SEPTIN4: variants seen among roughly 807,000 people sequenced by gnomAD.
SEPTIN4 encodes septin-4.
In SEPTIN4, 52 loss-of-function variants were observed where a neutral mutation model predicts 107.1. That is an observed-to-expected ratio of 0.49 (90% CI 0.39 to 0.61). The LOEUF is 0.61. Among genes scored for constraint, SEPTIN4 ranks in the 20% least tolerant of loss-of-function variants. The pLI is 0.00. For missense variants in SEPTIN4, 1,048 were observed against 1,243.5 expected (o/e 0.84, Z 2.36); for synonymous variants, 417 against 467.0 (o/e 0.89, Z 1.38).
intron 7 of SEPTIN4, among the ~76,000 whole-genome samples, chr17:58,523,343 C>T (rs1156231984): frequency 1.4e-5 from 2 of 146,686 alleles, no homozygotes; most frequent in Non-Finnish European, 3.0e-5. Flanking sequence ...GCACTCTAGC[C>T]TGGGCAACAG....
At position 58,543,986 on chromosome 17, in the gene SEPTIN4, G is replaced by T. The variant is rs1412917528; in HGVS notation, c.201C>A (p.Tyr67Ter). 2 of 1,613,998 alleles carry T rather than the reference G, an allele frequency of 1.2e-6. No homozygotes were observed. Among genetic ancestry groups the T allele is most frequent in the Non-Finnish European group, 1.7e-6 (2 of 1,179,912 alleles). ...CTGACTGGAGGGAGACAGATCGAGG[G>T]TAGTCTGATGCTGAATGGGGAGTGG... ...HPTTPHSASDYPRSVSLQSGP... is the reference protein window; with the variant it reads ...HPTTPHSASD Residue 67 changes from tyrosine to a stop codon, truncating the protein, a stop_gained, in exon 1 of 14, where the codon TAC becomes TAA. Transcript: ENST00000672673. LOFTEE classifies it high-confidence loss of function.
chr17:58,538,396 G>A lies in SEPTIN4; in HGVS notation c.1614+2270C>T, dbSNP rs1473501330. Among the ~76,000 whole-genome samples, 2 of 152,348 alleles carry A rather than the reference G, an allele frequency of 1.3e-5. No homozygotes were observed. Among genetic ancestry groups the A allele is most frequent in the African/African-American group, 2.4e-5 (1 of 41,586 alleles). ...TCTTGCATAATTGATAGAGCAGAGA[G>A]TAAACCACCTTGCCCTATGACAGCC... is the stretch of plus-strand genomic sequence containing the variant. On this transcript the variant is annotated intron_variant, in intron 3 of 13. Coordinates refer to ENST00000672673, the MANE Select transcript of SEPTIN4 (RefSeq NM_001368771.2). This position sits in a 1 kb window ranked among gnomAD's most constrained non-coding sequence, Gnocchi z 4.7.
rs945503774 is a variant in SEPTIN4 at position 58,543,604 on chromosome 17, A to G, written c.583T>C (p.Ser195Pro). Residue 195 changes from serine to proline, a missense_variant, in exon 1 of 14, where the codon TCT becomes CCT. Transcript: ENST00000672673. ...TGTACTGCTTCATCCTTTGGGTAAG[A>G]CAAAATCCTACGGGGAACTCTGACT... The part of the protein sequence containing the change: ...QGVRVPRRIL[S>P]YPKDEAVQTE... The G allele has an allele frequency of 2.5e-6, 4 of 1,614,176 alleles. No homozygotes were observed. Among genetic ancestry groups the G allele is most frequent in the Non-Finnish European group, 3.4e-6 (4 of 1,180,030 alleles).
At position 58,529,353 on chromosome 17, in the gene SEPTIN4, G is replaced by A. The variant is rs1413600577; in HGVS notation, c.1615-2375C>T. 13 of 1,469,552 alleles carry A rather than the reference G, an allele frequency of 8.8e-6. No individual in the cohort carries two copies. The Admixed American group carries it at 2.9e-4, about 33-fold the overall frequency. 91.0% of individuals were successfully genotyped at this position (1,469,552 alleles called of 1,614,324 possible). On this transcript the variant is annotated intron_variant, in intron 3 of 13. Coordinates refer to ENST00000672673, the MANE Select transcript of SEPTIN4 (RefSeq NM_001368771.2). ...TCTGGCAGGGGCCAAAAAAGCCTGT[G>A]GAATGTCCTTCCCCACCCCTCTTCT...
At position 58,527,997 on chromosome 17, in the gene SEPTIN4, A is replaced by G. The variant is rs1242805072; in HGVS notation, c.1615-1019T>C. ...TCTCATTGTCAGCTCTAGACCCTAA[A>G]GATTCTCCTCTCCTTTGGGGGTCAG... On this transcript the variant is annotated intron_variant, in intron 3 of 13. Transcript: ENST00000672673. 3.9e-5 allele frequency: 38 copies of G among 985,482 alleles called. No homozygotes were observed. The Admixed American group carries it at 2.3e-3, about 61-fold the overall frequency. The allele number at this position is 985,482 out of a possible 1,614,324, so 61.0% of individuals were successfully genotyped here. A position where few individuals can be genotyped will look rare whatever the true frequency, so the allele number is the denominator to read the frequency against.
At chr17:58,527,038 A>G in intron 3 of SEPTIN4, 60 bp from the exon 4 acceptor site, 2 of 1,612,222 alleles carry the variant, frequency 1.2e-6, no homozygotes, top group East Asian at 4.5e-5. Context: ...CCGGAAGGGA[A>G]GAATGAGGAA....
intron 5 of SEPTIN4, 34 bp from the exon 6 acceptor site, chr17:58,525,815 A>T: frequency 6.3e-7 from 1 of 1,582,242 alleles, no homozygotes. Context: ...ACCAAATCAG[A>T]AGGTAAGATC....
chr17:58,521,688 C>T lies in SEPTIN4; in HGVS notation c.2470-42G>A, dbSNP rs775758109. On this transcript the variant is annotated intron_variant, in intron 9 of 13. Transcript: ENST00000672673. This position sits in a 1 kb window ranked among gnomAD's most constrained non-coding sequence, Gnocchi z 6.4. ...GGGCCCACAGTTCTGGGGACCACAT[C>T]CTTTCTAGAAGCCCACCTGATCCCC... The T allele has an allele frequency of 2.5e-6, 4 of 1,614,106 alleles. No homozygotes were observed. In the South Asian group the frequency reaches 4.4e-5, roughly 18 times the overall value.
rs748343819 is a variant in SEPTIN4, at chr17:58,543,971, G to A, written c.216C>T (p.Ser72=). The A allele has an allele frequency of 3.7e-6, 6 of 1,613,856 alleles. No homozygotes were observed. The South Asian group carries it at 5.5e-5, about 15-fold the overall frequency. The change falls in exon 1 of 14, where the codon TCC becomes TCT. Residue 72 remains serine (S), a synonymous_variant. Coordinates refer to ENST00000672673, the MANE Select transcript of SEPTIN4 (RefSeq NM_001368771.2). ...HSASDYPRSV[S]LQSGPGHYAV... ...CATAGTGTCCAGGTCCTGACTGGAG[G>A]GAGACAGATCGAGGGTAGTCTGATG...
In SEPTIN4 at chr17:58,527,752, G is replaced by T. The variant is rs563080240; in HGVS notation, c.1615-774C>A. 1.3e-5 allele frequency: 10 copies of T among 786,438 alleles called. No homozygotes were observed. In the South Asian group the frequency reaches 5.1e-4, roughly 40 times the overall value. 48.7% of individuals were successfully genotyped at this position (786,438 alleles called of 1,614,324 possible). ...AGGATGGAAGAGCCTGGGAAAGGCT[G>T]GGCCTCCAGAGCTTCTGACAGCCCC... On this transcript the variant is annotated intron_variant, in intron 3 of 13. Coordinates refer to ENST00000672673, the MANE Select transcript of SEPTIN4 (RefSeq NM_001368771.2).
rs2043968075 is a variant in SEPTIN4, at chr17:58,544,205, C to G, written c.-19G>C. The G allele has an allele frequency of 6.3e-7, 1 of 1,585,900 alleles. No homozygotes were observed. The highest frequency in any genetic ancestry group is 1.3e-5 in the African/African-American group (1 of 74,328). ...TGACCATCTGATAGATTGTGCCCTTCTGAGTAGATCCCGTATTTTACTGGC... is the reference window on the plus strand; with the variant it reads ...TGACCATCTGATAGATTGTGCCCTTGTGAGTAGATCCCGTATTTTACTGGC... On this transcript the variant is annotated 5_prime_UTR_variant, in exon 1 of 14. Transcript: ENST00000672673.
rs140889153 is a variant in SEPTIN4, at chr17:58,521,849, G to A, written c.2356C>T (p.Arg786Trp). 5.6e-6 allele frequency: 9 copies of A among 1,614,066 alleles called. No homozygotes were observed. Among genetic ancestry groups the A allele is most frequent in the East Asian group, 4.5e-5 (2 of 44,888 alleles). The change falls in exon 9 of 14, where the codon CGG becomes TGG. Residue 786 changes from arginine to tryptophan, a missense_variant. Coordinates refer to ENST00000672673, the MANE Select transcript of SEPTIN4 (RefSeq NM_001368771.2). This position sits in a 1 kb window ranked among gnomAD's most constrained non-coding sequence, Gnocchi z 6.4. ...YFISPFGHGL[R>W]PLDVEFMKAL... ...TTCATGAATTCAACATCCAATGGCCGGAGCCTGGGGAACAGGAACCTGTGA... is the reference window on the plus strand; with the variant it reads ...TTCATGAATTCAACATCCAATGGCCAGAGCCTGGGGAACAGGAACCTGTGA...
chr17:58,525,849 G>T, intron 5 of SEPTIN4, 68 bp from the exon 6 acceptor site: 2 of 1,336,112 alleles, frequency 1.5e-6, no homozygotes, highest in South Asian at 1.2e-5. Flanking sequence ...CAACTCCACT[G>T]GATCAAGGTT....
At chr17:58,536,718 A>C (rs906886564) in intron 3 of SEPTIN4, among the ~76,000 whole-genome samples, 2 of 152,198 alleles carry the variant, frequency 1.3e-5, no homozygotes, top group Non-Finnish European at 2.9e-5. Context: ...CCCAAGGTGC[A>C]GCTGTCTCCT....
chr17:58,525,945 T>C (rs1167598588), intron 5 of SEPTIN4, 164 bp from the exon 6 acceptor site: 1 of 867,492 alleles, frequency 1.2e-6, no homozygotes, highest in African/African-American at 1.7e-5. Context: ...AGAGATTGGC[T>C]TGGGGGAGCA....
chr17:58,520,591 A>G, intron 13 of SEPTIN4, 106 bp from the exon 14 acceptor site: 2 of 1,525,022 alleles, frequency 1.3e-6, no homozygotes, highest in African/African-American at 1.4e-5. Flanking sequence ...GGTAGCCGTG[A>G]GGTGTGATGG....
chr17:58,523,842 T>G (rs1352241563), intron 7 of SEPTIN4, among the ~76,000 whole-genome samples: 1 of 152,200 alleles, frequency 6.6e-6, no homozygotes, highest in Non-Finnish European at 1.5e-5. Context: ...TTTACACTTT[T>G]CAGTGCGCAT....
intron 7 of SEPTIN4, among the ~76,000 whole-genome samples, chr17:58,522,956 C>T (rs1434235481): frequency 6.6e-6 from 1 of 152,200 alleles, no homozygotes; most frequent in Non-Finnish European, 1.5e-5. Context: ...CCTCAATTTT[C>T]ATATCCTTTG....
At chr17:58,539,003 G>T in intron 3 of SEPTIN4, 1 of 599,460 alleles carries the variant, frequency 1.7e-6, no homozygotes, top group Non-Finnish European at 2.8e-6. Flanking sequence ...GCACCACAGC[G>T]TCTCCATCCT....
Sources: allele counts gnomAD v4.1 joint callset (sites outside exome capture counted in the v4.1 genomes callset), GRCh38; gene constraint gnomAD v4.1.1; non-coding constraint Gnocchi (gnomAD v3.1); transcripts MANE v1.5; gene names NCBI Gene and HGNC (gene_info 2026-07-23, HGNC 2026-07-21).